RAPGEF2: variants seen among roughly 807,000 people sequenced by gnomAD.
RAPGEF2 encodes the protein Rap guanine nucleotide exchange factor 2.
A neutral mutation model predicts 186.7 loss-of-function variants in RAPGEF2; 54 were observed. The observed-to-expected ratio is 0.29, with a 90% CI of 0.23 to 0.36. The LOEUF (loss-of-function observed/expected upper bound fraction) is 0.36, where lower values mean the gene tolerates loss of function less well. Among genes scored for constraint, RAPGEF2 ranks in the 10% least tolerant of loss-of-function variants. The probability of loss-of-function intolerance (pLI) is 1.00; values close to 1 mark genes in which losing one functional copy is unlikely to be tolerated. For missense variants in RAPGEF2, 1,532 were observed against 2,045.0 expected (o/e 0.75, Z 4.84); for synonymous variants, 712 against 705.9 (o/e 1.01, Z -0.14).
chr4:159,201,319 T>C (rs1047090779), intron 3 of RAPGEF2, among the ~76,000 whole-genome samples: 5 of 152,188 alleles, frequency 3.3e-5, no homozygotes, highest in Admixed American at 3.3e-4. Flanking sequence ...ATCTGTCTAT[T>C]GGAAGGTGGC....
intron 1 of RAPGEF2, among the ~76,000 whole-genome samples, chr4:159,177,117 A>C (rs1579380375): frequency 2.0e-5 from 3 of 152,128 alleles, no homozygotes; most frequent in African/African-American, 4.8e-5. Flanking sequence ...GATAAAATAT[A>C]TGTCAGGTAC....
chr4:159,221,900 A>G (rs1336659620), intron 4 of RAPGEF2, among the ~76,000 whole-genome samples: 2 of 152,246 alleles, frequency 1.3e-5, no homozygotes, highest in African/African-American at 4.8e-5. Flanking sequence ...AGTTGATGAT[A>G]TTGAAGGGAA....
intron 24 of RAPGEF2, 114 bp downstream of exon 24, chr4:159,345,443 C>T (rs1730141796): frequency 2.3e-6 from 2 of 874,346 alleles, no homozygotes; most frequent in South Asian, 1.6e-5. Context: ...AGCTAGCAAT[C>T]CTGAGATATA....
intron 1 of RAPGEF2, among the ~76,000 whole-genome samples, chr4:159,158,471 G>T (rs113626255): frequency 3.1e-4 from 47 of 152,284 alleles, no homozygotes; most frequent in African/African-American, 1.1e-3. Context: ...GAGAGCACTT[G>T]TAAGGTTATC....
At chr4:159,250,663 TTC>T (rs1417226998) in intron 7 of RAPGEF2, among the ~76,000 whole-genome samples, 8 of 125,844 alleles carry the variant, frequency 6.4e-5, no homozygotes, top group African/African-American at 2.3e-4. Context: ...ATTAGCACTC[TTC>T]TTTTTTTTTT....
Position 159,104,553 on chromosome 4 carries a change from A to AGAGAGAGAGAGAGT in RAPGEF2, c.69+323_69+324insAGAGAGAGAGAGTG, listed in dbSNP as rs1553991869. Among the ~76,000 whole-genome samples the AGAGAGAGAGAGAGT allele has an allele frequency of 5.1e-5, 7 of 136,024 alleles. 1 individual carries two copies. The highest frequency in any genetic ancestry group is 2.4e-4 in the South Asian group (1 of 4,216). 89.2% of individuals were successfully genotyped at this position (136,024 alleles called of 152,430 possible). On this transcript the variant is annotated intron_variant, in intron 1 of 29. Transcript: ENST00000691494. ...GAGAGACAGAGAGAGAGAGAGAGAGAGTGTGTGTGTGTGTGTGTATGTGTG... is the reference window on the plus strand; with the variant it reads ...GAGAGACAGAGAGAGAGAGAGAGAGAGAGAGAGAGAGAGTGTGTGTGTGTGTGTGTGTATGTGTG...
intron 1 of RAPGEF2, among the ~76,000 whole-genome samples, chr4:159,124,713 T>C (rs1740091103): frequency 1.3e-5 from 2 of 152,264 alleles, no homozygotes; most frequent in South Asian, 4.1e-4. Flanking sequence ...TATTTTTTCT[T>C]CCTAAATATA....
intron 23 of RAPGEF2, among the ~76,000 whole-genome samples, chr4:159,344,396 T>A (rs1456347930): frequency 1.3e-5 from 2 of 152,076 alleles, no homozygotes; most frequent in Non-Finnish European, 2.9e-5. Context: ...AGGAAGGATA[T>A]TAGAAGGGAA....
intron 7 of RAPGEF2, among the ~76,000 whole-genome samples, chr4:159,301,549 G>C (rs566071868): frequency 2.6e-5 from 4 of 152,216 alleles, no homozygotes; most frequent in African/African-American, 9.6e-5. Flanking sequence ...ATTCTGCAAA[G>C]AACACAGATA....
intron 5 of RAPGEF2, among the ~76,000 whole-genome samples, chr4:159,240,812 T>G (rs1039919781): frequency 5.3e-5 from 8 of 150,832 alleles, no homozygotes; most frequent in Non-Finnish European, 1.2e-4. Flanking sequence ...TCAGGGTTTT[T>G]TTTTTTTTTT....
At chr4:159,247,107 T>C (rs66828403) in intron 7 of RAPGEF2, among the ~76,000 whole-genome samples, 34,679 of 152,118 alleles carry the variant, frequency 0.23, 4,422 homozygotes, top group African/African-American at 0.33. Context: ...TTACTATCAG[T>C]GTCTCTCTGT....
intron 7 of RAPGEF2, among the ~76,000 whole-genome samples, chr4:159,294,815 A>G (rs1203073838): frequency 2.0e-5 from 3 of 152,098 alleles, no homozygotes; most frequent in Non-Finnish European, 4.4e-5. Flanking sequence ...CTCGTGCCTC[A>G]GCCTCCCAAG....
intron 7 of RAPGEF2, among the ~76,000 whole-genome samples, chr4:159,245,707 G>C (rs1754552102): frequency 2.0e-5 from 3 of 152,022 alleles, no homozygotes; most frequent in Admixed American, 2.0e-4. Context: ...TTATTGGAGT[G>C]ACGTGGGAAG....
chr4:159,268,308 A>C (rs1757683772), intron 7 of RAPGEF2: 1 of 1,102,456 alleles, frequency 9.1e-7, no homozygotes, highest in Non-Finnish European at 1.4e-6. Flanking sequence ...CAGGGAAAAC[A>C]GTTTTTGTAG....
intron 3 of RAPGEF2, among the ~76,000 whole-genome samples, chr4:159,206,368 C>G (rs1749992841): frequency 6.6e-6 from 1 of 152,186 alleles, no homozygotes; most frequent in South Asian, 2.1e-4. Context: ...GACAAAAAAG[C>G]TTGTCAGACC....
At chr4:159,154,519 T>TA (rs60579601) in intron 1 of RAPGEF2, among the ~76,000 whole-genome samples, 34,006 of 148,182 alleles carry the variant, frequency 0.23, 4,186 homozygotes, top group African/African-American at 0.33. Flanking sequence ...TTTTTTTTTT[T>TA]AAAAAAAACA....
chr4:159,219,983 A>G (rs1282565720), intron 4 of RAPGEF2, among the ~76,000 whole-genome samples: 1 of 152,206 alleles, frequency 6.6e-6, no homozygotes, highest in Admixed American at 6.5e-5. Flanking sequence ...GCCAAGAGAT[A>G]AAAAGTGTTT....
At chr4:159,290,667 A>C (rs1173524117) in intron 7 of RAPGEF2, among the ~76,000 whole-genome samples, 1 of 152,146 alleles carries the variant, frequency 6.6e-6, no homozygotes, top group Non-Finnish European at 1.5e-5. Context: ...CATTGGCAGA[A>C]GTGAGGGGGT....
At chr4:159,207,880 T>C (rs1319626373) in intron 3 of RAPGEF2, among the ~76,000 whole-genome samples, 1 of 152,226 alleles carries the variant, frequency 6.6e-6, no homozygotes, top group Admixed American at 6.5e-5. Flanking sequence ...TTGAGAATAA[T>C]GCTGTCATAT....
Sources: allele counts gnomAD v4.1 joint callset (sites outside exome capture counted in the v4.1 genomes callset), GRCh38; gene constraint gnomAD v4.1.1; transcripts MANE v1.5; gene names NCBI Gene and HGNC (gene_info 2026-07-23, HGNC 2026-07-21).